Variants in ABCA1 observed in about 807,000 individuals in gnomAD.
ABCA1 encodes ATP binding cassette subfamily A member 1.
A neutral mutation model predicts 262.5 loss-of-function variants in ABCA1; 133 were observed. The observed-to-expected ratio is 0.51, with a 90% CI of 0.44 to 0.59. ABCA1 has a LOEUF of 0.59. Among genes scored for constraint, ABCA1 ranks in the 20% least tolerant of loss-of-function variants. The probability of loss-of-function intolerance (pLI) is 0.00; values close to 1 mark genes in which losing one functional copy is unlikely to be tolerated. For synonymous variants in ABCA1, 1,022 were observed against 1,043.5 expected, an observed-to-expected ratio of 0.98 and a Z score of 0.40; for missense variants, 2,452 against 2,777.5, an observed-to-expected ratio of 0.88 and a Z score of 2.63.
intron 37 of ABCA1, 75 bp downstream of exon 37, chr9:104,798,346 G>T: frequency 6.6e-7 from 1 of 1,521,298 alleles, no homozygotes; most frequent in Non-Finnish European, 9.1e-7. Context: ...GATAGCCAGA[G>T]CTCTTTCTTT....
chr9:104,816,165 A>G lies in ABCA1; in HGVS notation c.3716T>C (p.Ile1239Thr). Reference sequence around the variant, plus strand: ...TACTTCTTCCAGGGTCGTCTCTGAGATGCCATAACTAGAAATGCCCAGGTC... The same window carrying G: ...TACTTCTTCCAGGGTCGTCTCTGAGGTGCCATAACTAGAAATGCCCAGGTC... ...LSDLGISSYG[I>T]SETTLEEIFL... The change falls in exon 25 of 50, where the codon ATC (isoleucine) becomes ACC (threonine). Residue 1239 changes from isoleucine (I) to threonine (T), a missense_variant. Around this residue, in one of 4 missense-constraint regions of ABCA1, gnomAD observed 665 missense variants for 727.3 expected, o/e 0.91. Coordinates refer to ENST00000374736, the MANE Select transcript of ABCA1 (RefSeq NM_005502.4). The G allele has an allele frequency of 6.2e-7, 1 of 1,614,160 alleles. No individual in the cohort carries two copies. Among genetic ancestry groups the G allele is most frequent in the Non-Finnish European group, 8.5e-7 (1 of 1,180,028 alleles).
chr9:104,902,999 T>C (rs1391941046), intron 2 of ABCA1, among the ~76,000 whole-genome samples: 1 of 151,932 alleles, frequency 6.6e-6, no homozygotes, highest in East Asian at 1.9e-4. Context: ...TTTCAGGGAG[T>C]TCACTCTGCT....
chr9:104,907,849 A>G (rs144933112), intron 1 of ABCA1, among the ~76,000 whole-genome samples: 100 of 152,360 alleles, frequency 6.6e-4, no homozygotes, highest in African/African-American at 2.4e-3. Flanking sequence ...TCTGGGTCTC[A>G]TCAGTCACCC....
intron 5 of ABCA1, among the ~76,000 whole-genome samples, chr9:104,876,299 A>G (rs1468552379): frequency 1.3e-5 from 2 of 152,226 alleles, no homozygotes; most frequent in Non-Finnish European, 2.9e-5. Context: ...GAAACGGGGA[A>G]CAGAGGGAAG....
At position 104,809,571 on chromosome 9, in the gene ABCA1, G is replaced by A. The variant is rs970344815; in HGVS notation, c.4176-7C>T. The A allele has an allele frequency of 6.2e-7, 1 of 1,612,194 alleles. No homozygotes were observed. The highest frequency in any genetic ancestry group is 8.5e-7 in the Non-Finnish European group (1 of 1,178,248). On this transcript the variant is annotated splice_region_variant and splice_polypyrimidine_tract_variant and intron_variant, in intron 29 of 49. Transcript: ENST00000374736. ...GTCCTCAGGAGCATCATTGCTGTGG[G>A]TACATGAGAGGCAGCCAGCTTAGTA...
intron 40 of ABCA1, 141 bp downstream of exon 40, chr9:104,794,246 T>C: frequency 7.8e-7 from 1 of 1,282,352 alleles, no homozygotes; most frequent in African/African-American, 1.5e-5. Context: ...TGTGTTGGCA[T>C]GAGCCCTGTC....
chr9:104,878,664 A>C (rs1377162515), intron 5 of ABCA1, among the ~76,000 whole-genome samples: 1 of 152,182 alleles, frequency 6.6e-6, no homozygotes, highest in Non-Finnish European at 1.5e-5. Flanking sequence ...CACTTAGAAC[A>C]GTGATTCGCA....
At chr9:104,881,857 A>T (rs115950766) in intron 5 of ABCA1, among the ~76,000 whole-genome samples, 4,896 of 152,020 alleles carry the variant, frequency 0.032, 112 homozygotes, top group African/African-American at 0.057. Context: ...GCCTGGCTGC[A>T]CAGCCAGGAG....
chr9:104,818,759 C>T lies in ABCA1; in HGVS notation c.3366G>A (p.Leu1122=), dbSNP rs2118961732. 7 of 1,613,950 alleles carry T rather than the reference C, an allele frequency of 4.3e-6. No homozygotes were observed. Among genetic ancestry groups the T allele is most frequent in the Middle Eastern group, 1.7e-4 (1 of 5,888 alleles). ...VGSSLFLKNQ[L]GTGYYLTLVK... ...CCAAGGTCAGGTAGTAGCCTGTTCC[C>T]AGCTGGTTCTTCAGAAACAGGGAGG... Residue 1122 remains leucine, a synonymous_variant, in exon 23 of 50, where the codon CTG becomes CTA. Coordinates refer to ENST00000374736, the MANE Select transcript of ABCA1 (RefSeq NM_005502.4).
intron 1 of ABCA1, among the ~76,000 whole-genome samples, chr9:104,920,966 TC>T (rs1222519484): frequency 3.3e-5 from 5 of 152,234 alleles, no homozygotes; most frequent in Non-Finnish European, 5.9e-5. Flanking sequence ...TTGCCTAATG[TC>T]AGATATCCAT....
intron 20 of ABCA1, 139 bp downstream of exon 20, chr9:104,821,236 C>T (rs1224126878): frequency 8.3e-7 from 1 of 1,211,566 alleles, no homozygotes; most frequent in Non-Finnish European, 1.1e-6. Flanking sequence ...AGCGAGACTC[C>T]ATCTCAAAAA....
Position 104,794,423 on chromosome 9 carries a change from T to C in ABCA1, c.5470A>G (p.Lys1824Glu), listed in dbSNP as rs1829692110. ...CLGRGLIDMVKNQAMADALER... is the reference protein window; with the variant it reads ...CLGRGLIDMVENQAMADALER... ...AGGGCATCAGCCATTGCCTGGTTTTTCACCATGTCGATGAGCCCTCGTCCC... is the reference window on the plus strand; with the variant it reads ...AGGGCATCAGCCATTGCCTGGTTTTCCACCATGTCGATGAGCCCTCGTCCC... Residue 1824 changes from lysine to glutamate, a missense_variant, in exon 40 of 50, where the codon AAA becomes GAA. By Grantham distance (56) the Lys-to-Glu change is moderately conservative. Transcript: ENST00000374736. 3.1e-6 allele frequency: 5 copies of C among 1,612,690 alleles called. No individual in the cohort carries two copies. The East Asian group carries it at 1.1e-4, about 36-fold the overall frequency.
chr9:104,832,212 T>C (rs1216177521), intron 12 of ABCA1, among the ~76,000 whole-genome samples: 1 of 152,170 alleles, frequency 6.6e-6, no homozygotes, highest in Non-Finnish European at 1.5e-5. Context: ...AAAAATTTAA[T>C]TGGACCCGAA....
chr9:104,884,171 T>C (rs770502974), intron 4 of ABCA1, among the ~76,000 whole-genome samples: 13 of 152,162 alleles, frequency 8.5e-5, no homozygotes, highest in South Asian at 2.1e-4. Context: ...ACATATAGTA[T>C]ATTCCAAAAT....
At position 104,840,399 on chromosome 9, in the gene ABCA1, G is replaced by A. The variant is rs1183201615; in HGVS notation, c.934C>T (p.Pro312Ser). Residue 312 changes from proline (P) to serine (S), a missense_variant, in exon 9 of 50, where the codon CCC (proline) becomes TCC (serine). Coordinates refer to ENST00000374736, the MANE Select transcript of ABCA1 (RefSeq NM_005502.4). ...TTGATCTTCAGCCCCCCTCCCTCGG[G>A]ATGCCCGCAGACAATACGAGACACA... Reference protein sequence around the residue: ...QAVSRIVCGHPEGGGLKIKSL... With the variant: ...QAVSRIVCGHSEGGGLKIKSL... 1.9e-6 allele frequency: 3 copies of A among 1,614,216 alleles called. No homozygotes were observed. The highest frequency in any genetic ancestry group is 1.7e-6 in the Non-Finnish European group (2 of 1,180,038).
intron 40 of ABCA1, 83 bp downstream of exon 40, chr9:104,794,304 T>C: frequency 1.9e-6 from 3 of 1,605,440 alleles, no homozygotes; most frequent in African/African-American, 1.3e-5. Flanking sequence ...CACCTGCTTC[T>C]TTCCAAAACA....
chr9:104,795,688 T>C (rs182455006), intron 39 of ABCA1, among the ~76,000 whole-genome samples: 132 of 152,242 alleles, frequency 8.7e-4, no homozygotes, highest in Middle Eastern at 6.8e-3. Context: ...AAGGCATTGA[T>C]CTTAGAGATG....
intron 2 of ABCA1, among the ~76,000 whole-genome samples, chr9:104,899,826 G>T (rs1744767840): frequency 6.6e-6 from 1 of 152,196 alleles, no homozygotes. Context: ...GTTCCATGGG[G>T]ACCTTGGCCT....
At chr9:104,798,296 T>C in intron 37 of ABCA1, 125 bp downstream of exon 37, 11 of 1,192,656 alleles carry the variant, frequency 9.2e-6, no homozygotes, top group Non-Finnish European at 1.2e-5. Flanking sequence ...TGGCTATTTC[T>C]TTTTCATACA....
Sources: allele counts gnomAD v4.1 joint callset (sites outside exome capture counted in the v4.1 genomes callset), GRCh38; gene constraint gnomAD v4.1.1; regional missense constraint gnomAD v4.1.1; transcripts MANE v1.5; gene names NCBI Gene and HGNC (gene_info 2026-07-23, HGNC 2026-07-21).